The following DCHS2 variants were observed in gnomAD, a reference collection of about 807,000 sequenced individuals.
The protein encoded by DCHS2 is protocadherin-23.
A neutral mutation model predicts 182.4 loss-of-function variants in DCHS2; 142 were observed. The observed-to-expected ratio is 0.78, with a 90% CI of 0.68 to 0.89. The LOEUF (loss-of-function observed/expected upper bound fraction) is 0.89. Ranked by LOEUF, DCHS2 falls within the 40% of genes least tolerant of loss-of-function variation. The pLI, the probability that DCHS2 is intolerant of heterozygous loss-of-function variation, is 0.00. For synonymous variants in DCHS2, 1,740 were observed against 1,663.3 expected (o/e 1.05, Z -1.12); for missense variants, 4,319 against 4,198.6 (o/e 1.03, Z -0.79).
At chr4:154,460,754 C>T (rs1401274677) in intron 1 of DCHS2, among the ~76,000 whole-genome samples, 1 of 152,072 alleles carries the variant, frequency 6.6e-6, no homozygotes, top group Non-Finnish European at 1.5e-5. Context: ...GTCAATAAAT[C>T]TTAGCTATGT....
intron 14 of DCHS2, among the ~76,000 whole-genome samples, chr4:154,267,651 T>C (rs2111195938): frequency 6.6e-6 from 1 of 152,340 alleles, no homozygotes; most frequent in East Asian, 1.9e-4. Flanking sequence ...CCATGTTTTA[T>C]GCCCTGGTGC....
intron 1 of DCHS2, among the ~76,000 whole-genome samples, chr4:154,382,548 T>C (rs1269663368): frequency 1.3e-5 from 2 of 151,682 alleles, no homozygotes; most frequent in Non-Finnish European, 2.9e-5. Flanking sequence ...CCCAACAGAG[T>C]AAACAGACAA....
intron 3 of DCHS2, among the ~76,000 whole-genome samples, chr4:154,341,135 G>A (rs954633258): frequency 2.0e-5 from 3 of 152,138 alleles, no homozygotes; most frequent in Non-Finnish European, 4.4e-5. Context: ...CTGGGAGGCC[G>A]AGGCGGGTGG....
At chr4:154,486,515 T>A (rs1312230657) in intron 1 of DCHS2, 2 of 1,304,440 alleles carry the variant, frequency 1.5e-6, no homozygotes, top group Admixed American at 4.6e-5. Context: ...CTTGAGCAGA[T>A]ATAAGCTGTA....
intron 1 of DCHS2, among the ~76,000 whole-genome samples, chr4:154,421,950 A>G (rs1335025311): frequency 1.3e-5 from 2 of 152,222 alleles, no homozygotes; most frequent in Non-Finnish European, 1.5e-5. Flanking sequence ...GCTACATCCA[A>G]TAAACATTTT....
intron 1 of DCHS2, among the ~76,000 whole-genome samples, chr4:154,477,415 C>T (rs1004993243): frequency 1.1e-4 from 17 of 152,188 alleles, no homozygotes; most frequent in African/African-American, 3.9e-4. Context: ...CAGACCATAA[C>T]ATAGCACAAA....
chr4:154,460,958 C>T (rs1010175674), intron 1 of DCHS2, among the ~76,000 whole-genome samples: 1 of 152,110 alleles, frequency 6.6e-6, no homozygotes, highest in African/African-American at 2.4e-5. Context: ...CACTGTATGC[C>T]ATTGTTCCCA....
chr4:154,470,644 A>G (rs1735425994), intron 1 of DCHS2, among the ~76,000 whole-genome samples: 1 of 152,216 alleles, frequency 6.6e-6, no homozygotes. Flanking sequence ...GCTGCTGTAC[A>G]TATGTCACTC....
At chr4:154,281,251 T>G (rs963915347) in intron 13 of DCHS2, among the ~76,000 whole-genome samples, 2 of 152,184 alleles carry the variant, frequency 1.3e-5, no homozygotes, top group Non-Finnish European at 2.9e-5. Context: ...AAAGTAAAAT[T>G]ATCTTTGCAG....
chr4:154,372,088 G>C (rs1046992659), intron 2 of DCHS2, among the ~76,000 whole-genome samples: 32 of 152,048 alleles, frequency 2.1e-4, no homozygotes, highest in African/African-American at 7.5e-4. Context: ...TTAGAAGGAG[G>C]TAAAGGAGTA....
At chr4:154,237,399 G>T (rs1297817981) in intron 19 of DCHS2, 2 of 461,564 alleles carry the variant, frequency 4.3e-6, no homozygotes, top group Non-Finnish European at 6.6e-6. Flanking sequence ...TGCTGCTTGA[G>T]GTTGCTGTTG....
At chr4:154,336,622 C>T (rs926050758) in intron 3 of DCHS2, among the ~76,000 whole-genome samples, 4 of 152,070 alleles carry the variant, frequency 2.6e-5, no homozygotes, top group East Asian at 1.9e-4. Flanking sequence ...CTTGCAACTT[C>T]GATTTCTTGT....
intron 19 of DCHS2, among the ~76,000 whole-genome samples, chr4:154,238,883 G>T (rs1329402780): frequency 6.6e-6 from 1 of 152,056 alleles, no homozygotes; most frequent in African/African-American, 2.4e-5. Context: ...TGGTTGGACG[G>T]ATGCAACTGG....
At chr4:154,250,160 C>A (rs904415937) in intron 16 of DCHS2, among the ~76,000 whole-genome samples, 1 of 152,054 alleles carries the variant, frequency 6.6e-6, no homozygotes, top group Non-Finnish European at 1.5e-5. Context: ...GTCTCACAAC[C>A]AATACCTCAT....
At chr4:154,366,075 T>A (rs988965213) in intron 3 of DCHS2, 135 bp downstream of exon 3, 5 of 654,368 alleles carry the variant, frequency 7.6e-6, no homozygotes, top group Non-Finnish European at 1.3e-5. Flanking sequence ...TACTTCAGCA[T>A]CTGCTAGAAG....
Position 154,235,264 on chromosome 4 carries a change from C to A in DCHS2, c.9388G>T (p.Val3130Leu). 6.2e-7 allele frequency: 1 copy of A among 1,614,058 alleles called. No individual in the cohort carries two copies. ...DSALSDHESRVPDSGIPRDSD... is the reference protein window; with the variant it reads ...DSALSDHESRLPDSGIPRDSD... ...TCCCTCGGGATACCCGAGTCTGGCA[C>A]CCTGGACTCGTGGTCACTCAGAGCT... is the stretch of plus-strand genomic sequence containing the variant. The change falls in exon 20 of 20, where the codon GTG (valine) becomes TTG (leucine). Residue 3130 changes from valine to leucine, a missense_variant. Coordinates refer to ENST00000357232, the MANE Select transcript of DCHS2 (RefSeq NM_001358235.2).
intron 14 of DCHS2, among the ~76,000 whole-genome samples, chr4:154,265,860 G>A (rs2111190223): frequency 6.6e-6 from 1 of 152,232 alleles, no homozygotes; most frequent in South Asian, 2.1e-4. Flanking sequence ...CTTCCCTGTG[G>A]GGGATATATT....
chr4:154,247,381 G>A (rs1337089844), intron 16 of DCHS2, among the ~76,000 whole-genome samples: 1 of 151,804 alleles, frequency 6.6e-6, no homozygotes, highest in African/African-American at 2.4e-5. Flanking sequence ...GGGAGGCTGA[G>A]GTAGGAAAGT....
chr4:154,332,379 G>T, intron 5 of DCHS2, 99 bp downstream of exon 5: 1 of 1,128,536 alleles, frequency 8.9e-7, no homozygotes, highest in Non-Finnish European at 1.2e-6. Flanking sequence ...TCTCAATCCT[G>T]ATTTTGTTTA....
Sources: gnomAD v4.1 joint callset for allele counts (sites outside exome capture counted in the v4.1 genomes callset) on GRCh38, gnomAD v4.1.1 for gene constraint, MANE v1.5 for transcripts, NCBI Gene and HGNC (gene_info 2026-07-23, HGNC 2026-07-21) for gene names.